USH2A: variants seen among roughly 807,000 people sequenced by gnomAD.
The protein encoded by USH2A is usherin, also known as Usher syndrome 2A (autosomal recessive, mild).
Under a neutral mutation model 538.9 loss-of-function variants are expected in USH2A, and 443 were observed. The ratio of observed to expected loss-of-function variants is 0.82; its 90% CI spans 0.76 to 0.89. The LOEUF (loss-of-function observed/expected upper bound fraction) is 0.89, where lower values mean the gene tolerates loss of function less well. Ranked by LOEUF, USH2A falls within the 40% of genes least tolerant of loss-of-function variation. USH2A has a pLI of 0.00. For missense variants in USH2A, 6,633 were observed against 6,324.8 expected, an observed-to-expected ratio of 1.05 and a Z score of -1.65; for synonymous variants, 2,413 against 2,273.5, an observed-to-expected ratio of 1.06 and a Z score of -1.75.
chr1:215,850,140 TAAC>T (rs1663977934), intron 44 of USH2A, among the ~76,000 whole-genome samples: 1 of 151,848 alleles, frequency 6.6e-6, no homozygotes. Flanking sequence ...AATTATATCA[TAAC>T]AACAATATTA....
intron 29 of USH2A, 162 bp downstream of exon 29, chr1:216,072,727 A>G: frequency 1.4e-6 from 1 of 697,572 alleles, no homozygotes; most frequent in South Asian, 1.6e-5. Flanking sequence ...TGATCTACTA[A>G]GCATTTTAGC....
intron 32 of USH2A, among the ~76,000 whole-genome samples, chr1:216,022,093 A>G (rs1385927346): frequency 6.6e-6 from 1 of 151,978 alleles, no homozygotes; most frequent in Non-Finnish European, 1.5e-5. Flanking sequence ...ACCTTCCACC[A>G]TGAGTAAAAG....
intron 3 of USH2A, among the ~76,000 whole-genome samples, chr1:216,384,250 A>C (rs576165571): frequency 2.9e-4 from 44 of 152,106 alleles, no homozygotes; most frequent in African/African-American, 1.0e-3. Context: ...AAGATTTCTT[A>C]GTCATTAATA....
intron 9 of USH2A, among the ~76,000 whole-genome samples, chr1:216,315,724 A>G (rs1016665002): frequency 6.6e-6 from 1 of 152,188 alleles, no homozygotes; most frequent in Non-Finnish European, 1.5e-5. Context: ...TAAATCTATA[A>G]TTATCTCAAA....
At chr1:216,068,829 C>T (rs952942100) in intron 30 of USH2A, among the ~76,000 whole-genome samples, 6 of 152,084 alleles carry the variant, frequency 3.9e-5, no homozygotes, top group South Asian at 2.1e-4. Context: ...TTCATTCATC[C>T]AACCCCTAAT....
At chr1:215,815,566 C>T (rs575919377) in intron 48 of USH2A, among the ~76,000 whole-genome samples, 5 of 151,988 alleles carry the variant, frequency 3.3e-5, no homozygotes, top group African/African-American at 9.6e-5. Context: ...TTACAAAAAG[C>T]GGTTTCTGAA....
In USH2A at chr1:215,970,814, G is replaced by T. The variant is rs756138366; in HGVS notation, c.6806-38C>A. ...TAATTGCCTTTCAGTATGACTACTA[G>T]ACAATAGCAAAGAAGGTCTTAAGAA... On this transcript the variant is annotated intron_variant, in intron 35 of 71. Coordinates refer to ENST00000307340, the MANE Select transcript of USH2A (RefSeq NM_206933.4). 2.5e-6 allele frequency: 4 copies of T among 1,603,332 alleles called. No individual in the cohort carries two copies. In the South Asian group the frequency reaches 3.3e-5, roughly 13 times the overall value.
intron 32 of USH2A, among the ~76,000 whole-genome samples, chr1:216,003,161 C>T (rs1055397910): frequency 6.6e-6 from 1 of 152,018 alleles, no homozygotes; most frequent in African/African-American, 2.4e-5. Flanking sequence ...ATACTTAGAA[C>T]AAGTATACCT....
chr1:215,703,153 T>C (rs1659082130), intron 61 of USH2A, among the ~76,000 whole-genome samples: 1 of 152,124 alleles, frequency 6.6e-6, no homozygotes, highest in Non-Finnish European at 1.5e-5. Flanking sequence ...CTGCAGAACA[T>C]CAAAGACTGC....
chr1:215,835,616 TCCAAA>T (rs761283954), intron 47 of USH2A, among the ~76,000 whole-genome samples: 29 of 152,156 alleles, frequency 1.9e-4, no homozygotes, highest in Admixed American at 3.9e-4. Context: ...GACCTGGGAT[TCCAAA>T]CACTTATTTG....
intron 3 of USH2A, among the ~76,000 whole-genome samples, chr1:216,382,527 A>C (rs1451456377): frequency 6.6e-6 from 1 of 152,196 alleles, no homozygotes; most frequent in African/African-American, 2.4e-5. Flanking sequence ...CAACTGAAGA[A>C]ATCTTAAAAC....
chr1:215,713,301 G>T (rs1659392207), intron 61 of USH2A, among the ~76,000 whole-genome samples: 1 of 152,160 alleles, frequency 6.6e-6, no homozygotes, highest in African/African-American at 2.4e-5. Context: ...CTCTGCGGGA[G>T]GCACTATTAG....
At chr1:216,105,469 G>A (rs922152193) in intron 21 of USH2A, among the ~76,000 whole-genome samples, 2 of 151,930 alleles carry the variant, frequency 1.3e-5, no homozygotes, top group Admixed American at 1.3e-4. Context: ...TTGGAAGTCT[G>A]AGTCTATTTC....
At chr1:216,278,619 C>G (rs1437490230) in intron 11 of USH2A, among the ~76,000 whole-genome samples, 1 of 152,212 alleles carries the variant, frequency 6.6e-6, no homozygotes, top group African/African-American at 2.4e-5. Context: ...CTTTTCACAT[C>G]CTTCACCACC....
At chr1:216,135,755 T>C (rs1216129537) in intron 21 of USH2A, among the ~76,000 whole-genome samples, 2 of 152,122 alleles carry the variant, frequency 1.3e-5, no homozygotes, top group African/African-American at 4.8e-5. Flanking sequence ...TTAAATCCTA[T>C]GTGCATCTTA....
intron 64 of USH2A, among the ~76,000 whole-genome samples, chr1:215,653,703 C>T (rs556299119): frequency 2.3e-4 from 35 of 152,286 alleles, no homozygotes; most frequent in African/African-American, 7.7e-4. Flanking sequence ...GAGGTAAAAA[C>T]GTTCTTTGTC....
intron 16 of USH2A, chr1:216,201,813 C>T (rs879256542): frequency 5.8e-5 from 13 of 223,582 alleles, no homozygotes; most frequent in Non-Finnish European, 4.1e-5. Flanking sequence ...ACCATGGGTA[C>T]CAGAGGTCGC....
chr1:216,088,957 G>C (rs55957005), intron 23 of USH2A, 56 bp downstream of exon 23: 11 of 1,605,670 alleles, frequency 6.9e-6, no homozygotes, highest in Non-Finnish European at 2.6e-6. Flanking sequence ...CAACAGAAAA[G>C]TATGGCAACA....
chr1:216,399,862 G>A (rs553525244), intron 3 of USH2A, among the ~76,000 whole-genome samples: 2 of 152,136 alleles, frequency 1.3e-5, no homozygotes, highest in East Asian at 3.9e-4. Flanking sequence ...GATGATGTTG[G>A]CAGTGACAAC....
Sources: gnomAD v4.1 joint callset for allele counts (sites outside exome capture counted in the v4.1 genomes callset) on GRCh38, gnomAD v4.1.1 for gene constraint, MANE v1.5 for transcripts, NCBI Gene and HGNC (gene_info 2026-07-23, HGNC 2026-07-21) for gene names.